FYN: variants seen among roughly 807,000 people sequenced by gnomAD.
The protein encoded by FYN is tyrosine-protein kinase Fyn.
A neutral mutation model predicts 70.2 loss-of-function variants in FYN; 10 were observed. That is an observed-to-expected ratio of 0.14 (90% CI 0.09 to 0.24). The LOEUF (loss-of-function observed/expected upper bound fraction) is 0.24, where lower values mean the gene tolerates loss of function less well. FYN is among the 10% of genes least tolerant of loss of function. FYN has a pLI of 1.00. For missense variants in FYN, 319 were observed against 673.1 expected (o/e 0.47, Z 5.82); for synonymous variants, 236 against 248.6 (o/e 0.95, Z 0.48).
At chr6:111,841,147 T>C (rs1379690946) in intron 2 of FYN, among the ~76,000 whole-genome samples, 1 of 152,200 alleles carries the variant, frequency 6.6e-6, no homozygotes, top group Non-Finnish European at 1.5e-5. Context: ...GAGTGTCTCA[T>C]GGGCTTCCCC....
At position 111,868,007 on chromosome 6, in the gene FYN, T is replaced by C. The variant is rs149823255; in HGVS notation, c.-123+4961A>G. 2.9e-3 allele frequency among the ~76,000 whole-genome samples: 443 copies of C among 152,268 alleles called. 3 individuals carry two copies. Among genetic ancestry groups the C allele is most frequent in the African/African-American group, 0.01 (431 of 41,548 alleles). The stretch of plus-strand genomic sequence containing the variant: ...CCCCAAAAGGTCTGTGCATTCGCCC[T>C]CTGGGCTGTTCTTTCTGGGACAGGG... On this transcript the variant is annotated intron_variant, in intron 1 of 13. Coordinates refer to ENST00000354650, the MANE Select transcript of FYN (RefSeq NM_002037.5).
At chr6:111,770,920 A>G (rs189739645) in intron 3 of FYN, among the ~76,000 whole-genome samples, 6 of 152,288 alleles carry the variant, frequency 3.9e-5, no homozygotes, top group Admixed American at 3.9e-4. Flanking sequence ...ATCAAATTTC[A>G]GCATGAGATT....
intron 3 of FYN, 46 bp from the exon 4 acceptor site, chr6:111,720,108 G>C: frequency 6.5e-7 from 1 of 1,542,088 alleles, no homozygotes; most frequent in Non-Finnish European, 8.8e-7. Context: ...ATGCTCCCTA[G>C]TTGCTGGGTT....
chr6:111,723,261 C>T (rs2128464682), intron 3 of FYN, among the ~76,000 whole-genome samples: 1 of 152,246 alleles, frequency 6.6e-6, no homozygotes, highest in Non-Finnish European at 1.5e-5. Flanking sequence ...GAAGAAAAAT[C>T]ATCAGCTCCT....
intron 2 of FYN, among the ~76,000 whole-genome samples, chr6:111,840,706 T>A (rs927089860): frequency 6.6e-6 from 1 of 152,220 alleles, no homozygotes; most frequent in Admixed American, 6.5e-5. Context: ...TTATGGCCTA[T>A]ACAACACCAC....
intron 3 of FYN, among the ~76,000 whole-genome samples, chr6:111,759,594 TC>T (rs1180663515): frequency 6.6e-6 from 1 of 151,962 alleles, no homozygotes; most frequent in Non-Finnish European, 1.5e-5. Flanking sequence ...ATCTTTTGGT[TC>T]CCCCCCTAGG....
At chr6:111,770,916 T>G (rs780497899) in intron 3 of FYN, among the ~76,000 whole-genome samples, 1 of 152,098 alleles carries the variant, frequency 6.6e-6, no homozygotes, top group African/African-American at 2.4e-5. Flanking sequence ...GGGGATCAAA[T>G]TTCAGCATGA....
intron 5 of FYN, among the ~76,000 whole-genome samples, chr6:111,711,650 T>C (rs1800384752): frequency 6.6e-6 from 1 of 152,066 alleles, no homozygotes; most frequent in African/African-American, 2.4e-5. Flanking sequence ...GGACACACAC[T>C]AGGAGGTGTG....
chr6:111,865,139 C>T (rs1774068869), intron 1 of FYN, among the ~76,000 whole-genome samples: 2 of 152,114 alleles, frequency 1.3e-5, no homozygotes, highest in Admixed American at 1.3e-4. Flanking sequence ...TAGGACTTTC[C>T]CATGGTACTT....
chr6:111,719,683 G>A, intron 4 of FYN, 122 bp downstream of exon 4: 1 of 1,116,898 alleles, frequency 9.0e-7, no homozygotes, highest in Non-Finnish European at 1.3e-6. Context: ...AGAGGAGACA[G>A]ATTAGAAACT....
chr6:111,833,516 A>G (rs1773085276), intron 2 of FYN, among the ~76,000 whole-genome samples: 2 of 152,204 alleles, frequency 1.3e-5, no homozygotes, highest in Admixed American at 6.5e-5. Flanking sequence ...ACTGAGTGAA[A>G]ACAGAGAGAA....
intron 3 of FYN, among the ~76,000 whole-genome samples, chr6:111,777,241 G>T (rs536785890): frequency 1.3e-5 from 2 of 152,230 alleles, no homozygotes; most frequent in East Asian, 3.9e-4. Context: ...TTTTCGCTTG[G>T]AGTTAGGGGT....
At chr6:111,864,428 T>A (rs1201077831) in intron 1 of FYN, among the ~76,000 whole-genome samples, 2 of 152,192 alleles carry the variant, frequency 1.3e-5, no homozygotes, top group Non-Finnish European at 2.9e-5. Flanking sequence ...GTGCTGGGTG[T>A]TATGTTGACA....
At chr6:111,664,954 A>C in intron 13 of FYN, among the ~76,000 whole-genome samples, 1 of 152,220 alleles carries the variant, frequency 6.6e-6, no homozygotes, top group East Asian at 1.9e-4. Context: ...CAACGGGCTG[A>C]CCTGCAGACC....
At chr6:111,743,319 A>G (rs1023092391) in intron 3 of FYN, among the ~76,000 whole-genome samples, 2 of 152,196 alleles carry the variant, frequency 1.3e-5, no homozygotes, top group African/African-American at 4.8e-5. Context: ...AGGTTAACAA[A>G]AATGTGGCTT....
At chr6:111,841,845 G>A (rs775469724) in intron 2 of FYN, among the ~76,000 whole-genome samples, 3 of 151,022 alleles carry the variant, frequency 2.0e-5, no homozygotes, top group East Asian at 1.9e-4. Flanking sequence ...AGACAGCACC[G>A]CTTAGTTTTA....
chr6:111,717,568 TCTC>T (rs1209946893), intron 4 of FYN, among the ~76,000 whole-genome samples: 1 of 151,998 alleles, frequency 6.6e-6, no homozygotes, highest in Non-Finnish European at 1.5e-5. Flanking sequence ...TTTAAGCACT[TCTC>T]CTGCCTCAGC....
intron 3 of FYN, among the ~76,000 whole-genome samples, chr6:111,777,152 T>C (rs1228640883): frequency 6.6e-6 from 1 of 152,210 alleles, no homozygotes; most frequent in African/African-American, 2.4e-5. Flanking sequence ...TGTGTGAGTC[T>C]TGTTTTTATC....
chr6:111,787,133 C>A (rs1216023565), intron 2 of FYN, among the ~76,000 whole-genome samples: 2 of 152,146 alleles, frequency 1.3e-5, no homozygotes, highest in Non-Finnish European at 1.5e-5. Flanking sequence ...GACATGAAGT[C>A]CTCGCTCATG....
Sources: allele counts gnomAD v4.1 joint callset (sites outside exome capture counted in the v4.1 genomes callset), GRCh38; gene constraint gnomAD v4.1.1; transcripts MANE v1.5; gene names NCBI Gene and HGNC (gene_info 2026-07-23, HGNC 2026-07-21).